ALDH8A1: variants seen among roughly 807,000 people sequenced by gnomAD.
ALDH8A1 encodes the protein aldehyde dehydrogenase 8 family member A1.
ALDH8A1 carries 39 observed loss-of-function variants against 43.3 expected under a neutral mutation model. That is an observed-to-expected ratio of 0.90 (90% CI 0.70 to 1.18). The LOEUF is 1.18. Among genes scored for constraint, ALDH8A1 ranks in the 50% most tolerant of loss-of-function variants. The pLI is 0.00. For missense variants in ALDH8A1, 605 were observed against 622.6 expected (o/e 0.97, Z 0.30); for synonymous variants, 233 against 243.5 (o/e 0.96, Z 0.40).
In ALDH8A1 at chr6:134,948,675, C is replaced by T. The variant is rs369538530; in HGVS notation, c.138+1241G>A. 6.6e-5 allele frequency among the ~76,000 whole-genome samples: 10 copies of T among 152,112 alleles called. No homozygotes were observed. In the East Asian group the frequency reaches 1.2e-3, roughly 18 times the overall value. Reference sequence around the variant, plus strand: ...TGTATGGTAACCATATTTTTCAAGCCGGAAAAAACTATGACTTATGGGATC... The same window carrying T: ...TGTATGGTAACCATATTTTTCAAGCTGGAAAAAACTATGACTTATGGGATC... On this transcript the variant is annotated intron_variant, in intron 1 of 6. Transcript: ENST00000265605.
At position 134,932,768 on chromosome 6, in the gene ALDH8A1, G is replaced by A; in HGVS notation, c.849+8C>T. The A allele has an allele frequency of 1.2e-6, 2 of 1,613,532 alleles. No individual in the cohort carries two copies. Among genetic ancestry groups the A allele is most frequent in the Non-Finnish European group, 1.7e-6 (2 of 1,179,674 alleles). On this transcript the variant is annotated splice_region_variant and intron_variant, in intron 5 of 6. Transcript: ENST00000265605. ...GGAGGGGAGGGAGAAGAACCCCCGG[G>A]GACATACCTGGTTGGCAAAGCTGGA...
At chr6:134,934,779 T>C (rs937027172) in intron 4 of ALDH8A1, among the ~76,000 whole-genome samples, 2 of 152,120 alleles carry the variant, frequency 1.3e-5, no homozygotes, top group African/African-American at 4.8e-5. Flanking sequence ...CCAGACTCCA[T>C]CTCAAAAATA....
intron 4 of ALDH8A1, 115 bp from the exon 5 acceptor site, chr6:134,933,147 G>T: frequency 8.0e-7 from 1 of 1,243,282 alleles, no homozygotes; most frequent in South Asian, 1.8e-5. Context: ...AGGGATGGAG[G>T]AAGCACTTGG....
chr6:134,933,701 A>G (rs1281496380), intron 4 of ALDH8A1, among the ~76,000 whole-genome samples: 1 of 152,062 alleles, frequency 6.6e-6, no homozygotes, highest in East Asian at 1.9e-4. Flanking sequence ...TTCTTGTTTT[A>G]TTATTTTATT....
At chr6:134,927,393 A>T (rs1459510185) in intron 6 of ALDH8A1, among the ~76,000 whole-genome samples, 2 of 152,184 alleles carry the variant, frequency 1.3e-5, no homozygotes, top group African/African-American at 4.8e-5. Flanking sequence ...GTCCACAGGA[A>T]TTACAACACA....
chr6:134,947,042 G>A (rs1773965889), intron 1 of ALDH8A1, among the ~76,000 whole-genome samples: 1 of 152,218 alleles, frequency 6.6e-6, no homozygotes, highest in South Asian at 2.1e-4. Flanking sequence ...ACATAGACCA[G>A]TGAAACAGAA....
chr6:134,923,193 A>C (rs981894911), intron 6 of ALDH8A1, among the ~76,000 whole-genome samples: 1 of 152,026 alleles, frequency 6.6e-6, no homozygotes, highest in East Asian at 1.9e-4. Flanking sequence ...CGCCTGGCTA[A>C]ATTTTTTTGT....
chr6:134,932,436 G>A (rs1398871712), intron 5 of ALDH8A1, among the ~76,000 whole-genome samples: 1 of 152,064 alleles, frequency 6.6e-6, no homozygotes, highest in Non-Finnish European at 1.5e-5. Flanking sequence ...CAAAGACAGG[G>A]TTTAAGAAAA....
At chr6:134,942,652 C>CT in intron 2 of ALDH8A1, 88 bp from the exon 3 acceptor site, 2 of 1,332,896 alleles carry the variant, frequency 1.5e-6, no homozygotes, top group East Asian at 4.9e-5. Flanking sequence ...CCAACTCACA[C>CT]TGAAACAGCC....
intron 4 of ALDH8A1, among the ~76,000 whole-genome samples, chr6:134,938,804 C>T (rs577826438): frequency 5.3e-5 from 8 of 152,142 alleles, no homozygotes; most frequent in East Asian, 1.9e-4. Flanking sequence ...CCCGCCACCA[C>T]GCCCAGCTAA....
intron 3 of ALDH8A1, 76 bp downstream of exon 3, chr6:134,942,333 T>C (rs1773869933): frequency 2.1e-6 from 3 of 1,434,738 alleles, no homozygotes; most frequent in Middle Eastern, 2.4e-4. Context: ...ACCTGTTCCT[T>C]GAGGACAATG....
intron 4 of ALDH8A1, among the ~76,000 whole-genome samples, chr6:134,936,151 A>G (rs1186759812): frequency 1.3e-5 from 2 of 152,136 alleles, no homozygotes; most frequent in Non-Finnish European, 2.9e-5. Flanking sequence ...GGATTTCACC[A>G]CGTTAGCCAG....
intron 5 of ALDH8A1, 42 bp downstream of exon 5, chr6:134,932,734 C>G: frequency 6.3e-7 from 1 of 1,599,180 alleles, no homozygotes; most frequent in South Asian, 1.1e-5. Flanking sequence ...TCCAGCTTGA[C>G]AGGGCCATGG....
rs1163778234 is a variant in ALDH8A1, at chr6:134,939,309, A to G, written c.549T>C (p.Thr183=). Residue 183 remains threonine (T), a synonymous_variant, in exon 4 of 7, where the codon ACT becomes ACC. Transcript: ENST00000265605. ...TGCACAACATCCACGCAGTCACTGAAGTCAGCTCACTGGGCTTGGCTATCA... is the reference window on the plus strand; with the variant it reads ...TGCACAACATCCACGCAGTCACTGAGGTCAGCTCACTGGGCTTGGCTATCA... ...NTVIAKPSEL[T]SVTAWMLCKL... 8.1e-6 allele frequency: 13 copies of G among 1,614,082 alleles called. No individual in the cohort carries two copies. Among genetic ancestry groups the G allele is most frequent in the African/African-American group, 5.3e-5 (4 of 74,934 alleles).
intron 1 of ALDH8A1, among the ~76,000 whole-genome samples, chr6:134,945,767 C>A (rs1179151435): frequency 6.6e-6 from 1 of 152,082 alleles, no homozygotes; most frequent in East Asian, 1.9e-4. Context: ...CTGTGCTAGC[C>A]CTCATGCAAA....
chr6:134,925,370 C>A (rs1419299087), intron 6 of ALDH8A1, among the ~76,000 whole-genome samples: 2 of 152,106 alleles, frequency 1.3e-5, no homozygotes, highest in East Asian at 1.9e-4. Flanking sequence ...TGGTTTCAAG[C>A]GTTTTCTTGG....
Position 134,943,925 on chromosome 6 carries a change from G to T in ALDH8A1, c.180C>A (p.Ser60Arg). 6.2e-7 allele frequency: 1 copy of T among 1,614,148 alleles called. No individual in the cohort carries two copies. The highest frequency in any genetic ancestry group is 1.1e-5 in the South Asian group (1 of 91,080). ...GCTCCTGGGGGCTGCGGGATGACCA[G>T]CTGGGAAAGGCTTCTCTGGCGGCCT... ...AVKAAREAFP[S>R]WSSRSPQERS... The change falls in exon 2 of 7, where the codon AGC becomes AGA. Residue 60 changes from serine to arginine, a missense_variant. Coordinates refer to ENST00000265605, the MANE Select transcript of ALDH8A1 (RefSeq NM_022568.4).
At chr6:134,924,287 A>G (rs944031352) in intron 6 of ALDH8A1, among the ~76,000 whole-genome samples, 3 of 152,184 alleles carry the variant, frequency 2.0e-5, no homozygotes, top group Non-Finnish European at 2.9e-5. Context: ...GTCCTCATAC[A>G]TACTTGCCTG....
rs1776932639 is a variant in ALDH8A1, at chr6:134,929,037, G to C, written c.1011+17C>G. 1 of 1,611,824 alleles carries C rather than the reference G, an allele frequency of 6.2e-7. No individual in the cohort carries two copies. Among genetic ancestry groups the C allele is most frequent in the South Asian group, 1.1e-5 (1 of 90,738 alleles). ...TAAGAACTTATTCTGTAACTTACAT[G>C]GCAGAAATTTACTTACTTTCTCCAA... On this transcript the variant is annotated intron_variant, in intron 6 of 6. Transcript: ENST00000265605.
Sources: allele counts gnomAD v4.1 joint callset (sites outside exome capture counted in the v4.1 genomes callset), GRCh38; gene constraint gnomAD v4.1.1; transcripts MANE v1.5; gene names NCBI Gene and HGNC (gene_info 2026-07-23, HGNC 2026-07-21).